SDK1: variants seen among roughly 807,000 people sequenced by gnomAD.
The protein encoded by SDK1 is protein sidekick-1.
Under a neutral mutation model 245.5 loss-of-function variants are expected in SDK1, and 157 were observed. The observed-to-expected ratio is 0.64, with a 90% confidence interval of 0.56 to 0.73. The LOEUF (loss-of-function observed/expected upper bound fraction) is 0.73, where lower values mean the gene tolerates loss of function less well. SDK1 is among the 30% of genes least tolerant of loss of function. The pLI is 0.00. For synonymous variants in SDK1, 1,647 were observed against 1,278.5 expected (o/e 1.29, Z -6.15); for missense variants, 3,583 against 3,002.3 (o/e 1.19, Z -4.52).
At chr7:3,853,015 T>C (rs1015266383) in intron 5 of SDK1, among the ~76,000 whole-genome samples, 1 of 152,042 alleles carries the variant, frequency 6.6e-6, no homozygotes, top group Non-Finnish European at 1.5e-5. Flanking sequence ...TGGATGATGC[T>C]CAGTGTATAT....
intron 4 of SDK1, among the ~76,000 whole-genome samples, chr7:3,818,876 C>T (rs1779575721): frequency 6.6e-6 from 1 of 152,186 alleles, no homozygotes; most frequent in Admixed American, 6.5e-5. Context: ...TCAAGACCCA[C>T]ACCTGATGCT....
intron 4 of SDK1, among the ~76,000 whole-genome samples, chr7:3,810,822 G>A (rs1006766087): frequency 2.0e-5 from 3 of 152,128 alleles, no homozygotes; most frequent in Non-Finnish European, 4.4e-5. Flanking sequence ...TAACGTTCGT[G>A]GCATCTGGGT....
At chr7:4,142,729 C>T (rs1469366706) in intron 28 of SDK1, among the ~76,000 whole-genome samples, 2 of 152,224 alleles carry the variant, frequency 1.3e-5, no homozygotes, top group East Asian at 3.8e-4. Context: ...TCCCAAAATG[C>T]TGGGATTACA....
chr7:3,972,338 C>A (rs1782555213), intron 12 of SDK1, among the ~76,000 whole-genome samples: 2 of 152,250 alleles, frequency 1.3e-5, no homozygotes, highest in South Asian at 4.2e-4. Context: ...CTCGGCCTCC[C>A]AAAGTGCTGG....
intron 1 of SDK1, among the ~76,000 whole-genome samples, chr7:3,593,896 T>TA (rs1377371111): frequency 2.0e-5 from 3 of 152,220 alleles, no homozygotes; most frequent in Non-Finnish European, 2.9e-5. Flanking sequence ...TAATAGCACT[T>TA]ACCATGCCTA....
In SDK1 at chr7:3,963,917, C is replaced by T. The variant is rs1020926362; in HGVS notation, c.1429+1066C>T. 4.0e-5 allele frequency among the ~76,000 whole-genome samples: 6 copies of T among 151,716 alleles called. No homozygotes were observed. The East Asian group carries it at 9.8e-4, about 25-fold the overall frequency. ...TACACCCAGGCTCACAGCTACCTGA[C>T]CTGGACGTATCCAGTGAGCACACCC... is the stretch of plus-strand genomic sequence containing the variant. On this transcript the variant is annotated intron_variant, in intron 9 of 44. Transcript: ENST00000404826.
chr7:3,536,206 G>T (rs1045956782), intron 1 of SDK1, among the ~76,000 whole-genome samples: 1 of 150,382 alleles, frequency 6.6e-6, no homozygotes, highest in Admixed American at 6.7e-5. Context: ...ACAGGCGCCC[G>T]CCACCACACC....
chr7:3,431,091 G>T (rs1779832354), intron 1 of SDK1, among the ~76,000 whole-genome samples: 1 of 151,998 alleles, frequency 6.6e-6, no homozygotes, highest in Non-Finnish European at 1.5e-5. Context: ...CATAGAGACA[G>T]GGTTTCACCA....
chr7:3,470,806 T>C (rs1400947884), intron 1 of SDK1, among the ~76,000 whole-genome samples: 1 of 152,184 alleles, frequency 6.6e-6, no homozygotes, highest in East Asian at 1.9e-4. Flanking sequence ...GTTTTCCATT[T>C]TGAGCTGCTT....
chr7:3,990,128 A>G (rs1303375953), intron 14 of SDK1, among the ~76,000 whole-genome samples: 4 of 152,252 alleles, frequency 2.6e-5, no homozygotes, highest in African/African-American at 7.2e-5. Context: ...GTGAATCTGA[A>G]GAACCATTAT....
At chr7:3,982,524 A>G (rs955236615) in intron 13 of SDK1, among the ~76,000 whole-genome samples, 2 of 152,226 alleles carry the variant, frequency 1.3e-5, no homozygotes, top group African/African-American at 4.8e-5. Context: ...TCTGGAAAGG[A>G]TTCACCATTC....
intron 1 of SDK1, among the ~76,000 whole-genome samples, chr7:3,567,404 G>T (rs2128628308): frequency 6.6e-6 from 1 of 152,314 alleles, no homozygotes. Flanking sequence ...GAAGCACTGA[G>T]TTGATTGGTA....
At chr7:3,767,672 G>A (rs746001848) in intron 4 of SDK1, among the ~76,000 whole-genome samples, 45 of 152,146 alleles carry the variant, frequency 3.0e-4, no homozygotes, top group Non-Finnish European at 5.9e-4. Flanking sequence ...CAGAAGCACT[G>A]AGACATGAGG....
chr7:4,138,089 A>G (rs1158610951), intron 28 of SDK1, among the ~76,000 whole-genome samples: 1 of 152,196 alleles, frequency 6.6e-6, no homozygotes, highest in Non-Finnish European at 1.5e-5. Flanking sequence ...CAAATAGAAC[A>G]CACAGGCCAA....
At chr7:3,831,522 A>G (rs1352678366) in intron 5 of SDK1, among the ~76,000 whole-genome samples, 1 of 152,180 alleles carries the variant, frequency 6.6e-6, no homozygotes, top group Non-Finnish European at 1.5e-5. Context: ...ATGAAAATAT[A>G]TTATTTTCTG....
chr7:3,310,310 C>T (rs1219427753), intron 1 of SDK1, among the ~76,000 whole-genome samples: 1 of 152,066 alleles, frequency 6.6e-6, no homozygotes, highest in Non-Finnish European at 1.5e-5. Context: ...GGGAATAAAC[C>T]ATTATTTTTG....
chr7:3,928,992 C>A (rs1210280870), intron 5 of SDK1, among the ~76,000 whole-genome samples: 1 of 152,214 alleles, frequency 6.6e-6, no homozygotes, highest in African/African-American at 2.4e-5. Context: ...AGACCCAACT[C>A]TCTGCCCTGT....
chr7:3,619,167 A>T lies in SDK1; in HGVS notation c.386A>T (p.Glu129Val), dbSNP rs1320247656. 1 of 1,614,074 alleles carries T rather than the reference A, an allele frequency of 6.2e-7. No individual in the cohort carries two copies. The highest frequency in any genetic ancestry group is 1.7e-5 in the Admixed American group (1 of 60,024). Residue 129 changes from glutamate (E) to valine (V), a missense_variant, in exon 2 of 45, where the codon GAA becomes GTA. Glu to Val is a moderately radical substitution (Grantham distance 121, BLOSUM62 -2). Transcript: ENST00000404826. ...GNRLVLTCLA[E>V]GSWPLEFKWM... ...CGCCTTGTTCTCACCTGCCTTGCCGAAGGGAGCTGGCCTTTGGAGTTCAAG... is the reference window on the plus strand; with the variant it reads ...CGCCTTGTTCTCACCTGCCTTGCCGTAGGGAGCTGGCCTTTGGAGTTCAAG...
chr7:3,757,101 A>G (rs934400814), intron 4 of SDK1, among the ~76,000 whole-genome samples: 1 of 152,132 alleles, frequency 6.6e-6, no homozygotes, highest in Non-Finnish European at 1.5e-5. Flanking sequence ...GAATTACAAA[A>G]CCAACTCCCA....
Sources: allele counts gnomAD v4.1 joint callset (sites outside exome capture counted in the v4.1 genomes callset), GRCh38; gene constraint gnomAD v4.1.1; transcripts MANE v1.5; gene names NCBI Gene and HGNC (gene_info 2026-07-23, HGNC 2026-07-21).